Variants in ADAMTS19 observed in about 807,000 individuals in gnomAD.
ADAMTS19 encodes ADAM metallopeptidase with thrombospondin type 1 motif 19.
Under a neutral mutation model 153.3 loss-of-function variants are expected in ADAMTS19, and 93 were observed. That is an observed-to-expected ratio of 0.61 (90% CI 0.51 to 0.72). The LOEUF is 0.72. Among genes scored for constraint, ADAMTS19 ranks in the 30% least tolerant of loss-of-function variants. The probability of loss-of-function intolerance (pLI) is 0.00; values close to 1 mark genes in which losing one functional copy is unlikely to be tolerated. For missense variants in ADAMTS19, 1,482 were observed against 1,552.1 expected, an observed-to-expected ratio of 0.95 and a Z score of 0.76; for synonymous variants, 600 against 556.6, an observed-to-expected ratio of 1.08 and a Z score of -1.10.
At chr5:129,529,108 G>T (rs1477743231) in intron 6 of ADAMTS19, among the ~76,000 whole-genome samples, 1 of 152,052 alleles carries the variant, frequency 6.6e-6, no homozygotes, top group Non-Finnish European at 1.5e-5. Flanking sequence ...GTCTCTGACT[G>T]ATTAATTATA....
At chr5:129,702,941 A>AAAAAAATATAT in intron 20 of ADAMTS19, among the ~76,000 whole-genome samples, 43 of 29,272 alleles carry the variant, frequency 1.5e-3, no homozygotes, top group Middle Eastern at 0.023. Context: ...AAAAAAAAAA[A>AAAAAAATATAT]ATATATATAT....
At chr5:129,731,815 G>A (rs956715530) in intron 21 of ADAMTS19, among the ~76,000 whole-genome samples, 1 of 152,022 alleles carries the variant, frequency 6.6e-6, no homozygotes, top group Admixed American at 6.6e-5. Flanking sequence ...TTACCAATTT[G>A]TAATCAGAAT....
At chr5:129,527,688 G>A in intron 4 of ADAMTS19, 60 bp from the exon 5 acceptor site, 1 of 936,540 alleles carries the variant, frequency 1.1e-6, no homozygotes, top group East Asian at 2.9e-5. Context: ...TATGGGCCTT[G>A]AGAAAAATTA....
chr5:129,708,497 T>C (rs1756270682), intron 21 of ADAMTS19, among the ~76,000 whole-genome samples: 2 of 148,328 alleles, frequency 1.3e-5, no homozygotes, highest in African/African-American at 5.0e-5. Context: ...TTTAATGAAA[T>C]GACATTTTTT....
chr5:129,692,662 C>G (rs1028606458), intron 18 of ADAMTS19, among the ~76,000 whole-genome samples: 5 of 152,222 alleles, frequency 3.3e-5, no homozygotes, highest in Admixed American at 2.6e-4. Flanking sequence ...GCAATCCAGT[C>G]CATGTTCCAT....
At chr5:129,636,075 T>C (rs1387070454) in intron 10 of ADAMTS19, among the ~76,000 whole-genome samples, 1 of 152,146 alleles carries the variant, frequency 6.6e-6, no homozygotes, top group Non-Finnish European at 1.5e-5. Context: ...TTTTGTATTT[T>C]TAGTAGAGAC....
At chr5:129,489,690 T>G (rs868698891) in intron 2 of ADAMTS19, among the ~76,000 whole-genome samples, 59 of 152,130 alleles carry the variant, frequency 3.9e-4, no homozygotes, top group African/African-American at 1.3e-3. Context: ...GCAAAAAAGT[T>G]TACTTTTGGA....
intron 2 of ADAMTS19, among the ~76,000 whole-genome samples, chr5:129,503,947 T>C (rs1751187314): frequency 6.6e-6 from 1 of 152,200 alleles, no homozygotes; most frequent in Non-Finnish European, 1.5e-5. Context: ...TTACCACTGT[T>C]TACAACCGAA....
In ADAMTS19 at chr5:129,610,752, G is replaced by A. The variant is rs553858047; in HGVS notation, c.1479-9866G>A. Among the ~76,000 whole-genome samples the A allele has an allele frequency of 2.6e-4, 40 of 152,154 alleles. 1 individual carries two copies. In the South Asian group the frequency reaches 4.8e-3, roughly 18 times the overall value. On this transcript the variant is annotated intron_variant, in intron 8 of 22. Transcript: ENST00000274487. ...GTGAATAGTGCCGCAATAAACATAC[G>A]TGTGCATGTGTCTTTATAGCAGCAT...
intron 2 of ADAMTS19, among the ~76,000 whole-genome samples, chr5:129,505,543 A>G (rs1247024903): frequency 6.6e-6 from 1 of 152,182 alleles, no homozygotes; most frequent in African/African-American, 2.4e-5. Context: ...TGTTTTGATT[A>G]GAAGTTGGTT....
intron 2 of ADAMTS19, among the ~76,000 whole-genome samples, chr5:129,486,887 T>C (rs1750613785): frequency 6.6e-6 from 1 of 152,190 alleles, no homozygotes; most frequent in South Asian, 2.1e-4. Flanking sequence ...AAATAGCAAC[T>C]AGAGCTAACA....
chr5:129,489,927 A>G (rs1750713297), intron 2 of ADAMTS19, among the ~76,000 whole-genome samples: 1 of 152,228 alleles, frequency 6.6e-6, no homozygotes, highest in African/African-American at 2.4e-5. Flanking sequence ...TGAGAAGTAG[A>G]GATAGAAAAT....
At chr5:129,561,415 G>A (rs1437139957) in intron 7 of ADAMTS19, among the ~76,000 whole-genome samples, 1 of 152,062 alleles carries the variant, frequency 6.6e-6, no homozygotes, top group African/African-American at 2.4e-5. Flanking sequence ...TGTAGTCCCA[G>A]CTACTCGGGA....
At chr5:129,584,710 G>A (rs1164297384) in intron 7 of ADAMTS19, among the ~76,000 whole-genome samples, 1 of 152,126 alleles carries the variant, frequency 6.6e-6, no homozygotes, top group African/African-American at 2.4e-5. Context: ...GGGGTAAACC[G>A]CCTACTCAAG....
chr5:129,544,502 T>G (rs918681281), intron 6 of ADAMTS19, among the ~76,000 whole-genome samples: 1 of 152,176 alleles, frequency 6.6e-6, no homozygotes, highest in Non-Finnish European at 1.5e-5. Context: ...CTTTTAATTA[T>G]GTGAGAATCT....
chr5:129,738,607 C>T lies in ADAMTS19; in HGVS notation c.*1389C>T, dbSNP rs1757771943. 2 of 151,964 alleles carry T rather than the reference C, an allele frequency of 1.3e-5. No individual in the cohort carries two copies. Among genetic ancestry groups the T allele is most frequent in the Admixed American group, 6.6e-5 (1 of 15,222 alleles). The allele number at this position is 151,964 out of a possible 1,614,324, so 9.4% of individuals were successfully genotyped here. A position where few individuals can be genotyped will look rare whatever the true frequency, so the allele number is the denominator to read the frequency against. The stretch of plus-strand genomic sequence containing the variant: ...ATGTCACCCTTTGGGAAATGGGGCT[C>T]AACGAGCCAGTACAGGAAAAGCTGA... On this transcript the variant is annotated 3_prime_UTR_variant, in exon 23 of 23. Coordinates refer to ENST00000274487, the MANE Select transcript of ADAMTS19 (RefSeq NM_133638.6).
chr5:129,559,976 C>T (rs575392056), intron 7 of ADAMTS19, among the ~76,000 whole-genome samples: 39 of 152,246 alleles, frequency 2.6e-4, no homozygotes, highest in Middle Eastern at 3.4e-3. Flanking sequence ...CCTATTGAAG[C>T]AATATTTATT....
chr5:129,558,144 G>A (rs1753376979), intron 7 of ADAMTS19, among the ~76,000 whole-genome samples: 2 of 152,036 alleles, frequency 1.3e-5, no homozygotes, highest in African/African-American at 4.8e-5. Flanking sequence ...CTTTTAAACA[G>A]TGGAGCATTA....
At chr5:129,566,430 C>T (rs1753711970) in intron 7 of ADAMTS19, among the ~76,000 whole-genome samples, 1 of 152,062 alleles carries the variant, frequency 6.6e-6, no homozygotes, top group Admixed American at 6.6e-5. Flanking sequence ...ATTGAATGCA[C>T]CTATAAAACT....
Sources: gnomAD v4.1 joint callset for allele counts (sites outside exome capture counted in the v4.1 genomes callset) on GRCh38, gnomAD v4.1.1 for gene constraint, MANE v1.5 for transcripts, NCBI Gene and HGNC (gene_info 2026-07-23, HGNC 2026-07-21) for gene names.